Variants in LIMCH1 observed in about 807,000 individuals in gnomAD.
LIMCH1 encodes LIM and calponin homology domains 1.
A neutral mutation model predicts 176.5 loss-of-function variants in LIMCH1; 113 were observed. The ratio of observed to expected loss-of-function variants is 0.64; its 90% CI spans 0.55 to 0.75. LIMCH1 has a LOEUF of 0.75. Among genes scored for constraint, LIMCH1 ranks in the 30% least tolerant of loss-of-function variants. LIMCH1 has a pLI of 0.00. For missense variants in LIMCH1, 1,674 were observed against 1,814.9 expected, an observed-to-expected ratio of 0.92 and a Z score of 1.41; for synonymous variants, 619 against 645.9, an observed-to-expected ratio of 0.96 and a Z score of 0.63.
chr4:41,372,932 C>T (rs1342341638), intron 1 of LIMCH1, among the ~76,000 whole-genome samples: 1 of 152,180 alleles, frequency 6.6e-6, no homozygotes, highest in African/African-American at 2.4e-5. Context: ...CCTTTCTACA[C>T]CAGTATATGA....
chr4:41,558,186 G>C (rs370559591), intron 1 of LIMCH1, among the ~76,000 whole-genome samples: 189 of 152,000 alleles, frequency 1.2e-3, no homozygotes, highest in South Asian at 7.7e-3. Context: ...TGACACTTTG[G>C]TGACAACTCT....
intron 22 of LIMCH1, among the ~76,000 whole-genome samples, chr4:41,676,144 G>A (rs2095211080): frequency 6.6e-6 from 1 of 152,196 alleles, no homozygotes; most frequent in African/African-American, 2.4e-5. Flanking sequence ...ATTACTTTGT[G>A]TTTTCATTAG....
chr4:41,495,200 A>G (rs991385302), intron 2 of LIMCH1, among the ~76,000 whole-genome samples: 1 of 152,232 alleles, frequency 6.6e-6, no homozygotes, highest in Non-Finnish European at 1.5e-5. Context: ...ACTTATAAAG[A>G]CATATATTTC....
intron 20 of LIMCH1, 32 bp downstream of exon 20, chr4:41,663,016 C>A (rs1384082186): frequency 6.3e-7 from 1 of 1,598,944 alleles, no homozygotes; most frequent in African/African-American, 1.3e-5. Context: ...AGCGGTTAAA[C>A]CCACAAGTTA....
chr4:41,687,242 G>A lies in LIMCH1; in HGVS notation c.4089-598G>A, dbSNP rs190119135. On this transcript the variant is annotated intron_variant, in intron 28 of 31. Coordinates refer to ENST00000503057, the MANE Select transcript of LIMCH1 (RefSeq NM_001330672.2). ...TCACAGGCAGGGCTCACGTACAACC[G>A]TTCTAGTAGCTTCTAGCTGGGGGCT... Among the ~76,000 whole-genome samples, 13 of 152,298 alleles carry A rather than the reference G, an allele frequency of 8.5e-5. No individual in the cohort carries two copies. The East Asian group carries it at 9.6e-4, about 11-fold the overall frequency.
chr4:41,618,240 A>C (rs1299133825), intron 5 of LIMCH1, among the ~76,000 whole-genome samples: 1 of 152,174 alleles, frequency 6.6e-6, no homozygotes, highest in Non-Finnish European at 1.5e-5. Flanking sequence ...CTTATATGGC[A>C]GTGTTTGTTG....
chr4:41,474,767 G>T (rs962223563), intron 1 of LIMCH1, among the ~76,000 whole-genome samples: 2 of 152,148 alleles, frequency 1.3e-5, no homozygotes, highest in African/African-American at 4.8e-5. Context: ...CAATAGGGAG[G>T]TTCCTCAAAC....
intron 14 of LIMCH1, among the ~76,000 whole-genome samples, chr4:41,643,310 T>G (rs913953349): frequency 6.6e-6 from 1 of 152,094 alleles, no homozygotes. Flanking sequence ...GGTGTCTAAG[T>G]GCATGGTAGT....
chr4:41,608,995 C>A (rs2091090958), intron 4 of LIMCH1, among the ~76,000 whole-genome samples: 1 of 152,144 alleles, frequency 6.6e-6, no homozygotes. Context: ...GGAATGCTGT[C>A]CCCTGGCCCC....
chr4:41,610,093 G>A (rs28626654), intron 4 of LIMCH1, among the ~76,000 whole-genome samples: 285 of 152,350 alleles, frequency 1.9e-3, no homozygotes, highest in African/African-American at 6.5e-3. Context: ...TCCAAGGTTT[G>A]ATTCTTGGCT....
intron 26 of LIMCH1, 75 bp from the exon 27 acceptor site, chr4:41,684,322 T>TAGG: frequency 7.3e-7 from 1 of 1,376,908 alleles, no homozygotes; most frequent in Non-Finnish European, 9.9e-7. Context: ...CTCCCATCCT[T>TAGG]TAAGTTATAG....
At chr4:41,578,011 C>G (rs949983320) in intron 1 of LIMCH1, among the ~76,000 whole-genome samples, 6 of 151,986 alleles carry the variant, frequency 3.9e-5, no homozygotes, top group African/African-American at 1.5e-4. Flanking sequence ...GGATAGATTC[C>G]TCAAAAAAGT....
chr4:41,540,201 A>G (rs2078440018), intron 1 of LIMCH1, among the ~76,000 whole-genome samples: 1 of 152,192 alleles, frequency 6.6e-6, no homozygotes, highest in Non-Finnish European at 1.5e-5. Context: ...AGAGTAAATT[A>G]ATTAATATAG....
At chr4:41,418,801 GAT>G (rs35249247) in intron 1 of LIMCH1, 26,730 of 151,410 alleles carry the variant, frequency 0.18, 2,410 homozygotes, top group Admixed American at 0.24. Context: ...CACGGTGAGA[GAT>G]AGAGAGAGAG....
At chr4:41,589,572 C>T (rs1230245687) in intron 1 of LIMCH1, among the ~76,000 whole-genome samples, 1 of 152,192 alleles carries the variant, frequency 6.6e-6, no homozygotes, top group Non-Finnish European at 1.5e-5. Flanking sequence ...ACAGTGCTTC[C>T]TGAAACAGTG....
At chr4:41,539,047 G>T (rs886876513) in intron 1 of LIMCH1, among the ~76,000 whole-genome samples, 7 of 152,152 alleles carry the variant, frequency 4.6e-5, no homozygotes, top group African/African-American at 1.7e-4. Flanking sequence ...CATGGCACTG[G>T]TTATCTAGGG....
At chr4:41,651,093 G>A (rs893930845) in intron 18 of LIMCH1, among the ~76,000 whole-genome samples, 3 of 151,976 alleles carry the variant, frequency 2.0e-5, no homozygotes, top group Admixed American at 2.0e-4. Flanking sequence ...TGCAACCTCT[G>A]CCTCCAGGCT....
intron 19 of LIMCH1, among the ~76,000 whole-genome samples, chr4:41,662,291 A>G (rs2094650687): frequency 6.6e-6 from 1 of 152,194 alleles, no homozygotes; most frequent in Non-Finnish European, 1.5e-5. Flanking sequence ...CACCCCTTCT[A>G]AAGTGAACCT....
At chr4:41,651,806 A>G (rs2094308747) in intron 18 of LIMCH1, among the ~76,000 whole-genome samples, 1 of 152,272 alleles carries the variant, frequency 6.6e-6, no homozygotes, top group South Asian at 2.1e-4. Context: ...ATGCTAATTC[A>G]GGTACTGCAG....
Sources: gnomAD v4.1 joint callset for allele counts (sites outside exome capture counted in the v4.1 genomes callset) on GRCh38, gnomAD v4.1.1 for gene constraint, MANE v1.5 for transcripts, NCBI Gene and HGNC (gene_info 2026-07-23, HGNC 2026-07-21) for gene names.